ERICH1: variants seen among roughly 807,000 people sequenced by gnomAD.
ERICH1 encodes the protein glutamate rich 1, also known as glutamate-rich protein 1.
Under a neutral mutation model 39.6 loss-of-function variants are expected in ERICH1, and 56 were observed. That is an observed-to-expected ratio of 1.41 (90% CI 1.14 to 1.77). ERICH1 has a LOEUF of 1.77. Among genes scored for constraint, ERICH1 ranks in the 40% most tolerant of loss-of-function variants. The pLI is 0.00. For synonymous variants in ERICH1, 313 were observed against 223.6 expected, an observed-to-expected ratio of 1.40 and a Z score of -3.57; for missense variants, 826 against 575.4, an observed-to-expected ratio of 1.44 and a Z score of -4.45.
rs1292417817 is a variant in ERICH1, at chr8:716,058, A to G, written c.23-51T>C. Reference sequence around the variant, plus strand: ...AAGGAGGAAAAGGAATGAATTATGCAGTTTATCTGAATCACACGTGACTTT... The same window carrying G: ...AAGGAGGAAAAGGAATGAATTATGCGGTTTATCTGAATCACACGTGACTTT... On this transcript the variant is annotated intron_variant, in intron 1 of 5. Coordinates refer to ENST00000262109, the MANE Select transcript of ERICH1 (RefSeq NM_207332.3). 3 of 1,542,634 alleles carry G rather than the reference A, an allele frequency of 1.9e-6. No individual in the cohort carries two copies. The African/African-American group carries it at 4.2e-5, about 21-fold the overall frequency.
intron 1 of ERICH1, among the ~76,000 whole-genome samples, chr8:717,878 G>A (rs1007666197): frequency 2.6e-5 from 4 of 152,216 alleles, no homozygotes; most frequent in African/African-American, 9.6e-5. Flanking sequence ...ACAGTCCCAG[G>A]GACGGGGGCA....
At chr8:643,089 G>A (rs965947634) in intron 3 of ERICH1, among the ~76,000 whole-genome samples, 1 of 152,274 alleles carries the variant, frequency 6.6e-6, no homozygotes, top group South Asian at 2.1e-4. Flanking sequence ...CCAGGACATC[G>A]GGTGCCCTTC....
At chr8:658,545 G>C (rs773613421) in intron 3 of ERICH1, among the ~76,000 whole-genome samples, 15 of 152,144 alleles carry the variant, frequency 9.9e-5, no homozygotes, top group East Asian at 1.9e-4. Context: ...TATTCCTCCT[G>C]TGTCATGGGC....
Position 676,211 on chromosome 8 carries a change from A to G in ERICH1, c.305-2164T>C, listed in dbSNP as rs865853941. Among the ~76,000 whole-genome samples the G allele has an allele frequency of 7.5e-3, 81 of 10,812 alleles. 4 individuals carry two copies. Among genetic ancestry groups the G allele is most frequent in the African/African-American group, 0.014 (46 of 3,272 alleles). The allele number at this position is 10,812 out of a possible 152,430, so 7.1% of individuals were successfully genotyped here. Reference sequence around the variant, plus strand: ...CGGCGGCCCCTCGGCGAGGACAGAGACGCGGCGGCCCCTCGGCGAGGACAG... The same window carrying G: ...CGGCGGCCCCTCGGCGAGGACAGAGGCGCGGCGGCCCCTCGGCGAGGACAG... On this transcript the variant is annotated intron_variant, in intron 3 of 5. Transcript: ENST00000262109.
chr8:660,693 C>T (rs1036725314), downstream of ERICH1, among the ~76,000 whole-genome samples: 4 of 152,210 alleles, frequency 2.6e-5, no homozygotes, highest in African/African-American at 9.6e-5. Context: ...AATTCAGTTT[C>T]CTCCATCCCT....
intron 3 of ERICH1, among the ~76,000 whole-genome samples, chr8:619,037 C>T (rs1797112287): frequency 6.6e-6 from 1 of 152,296 alleles, no homozygotes; most frequent in African/African-American, 2.4e-5. Flanking sequence ...TTAGTAACAA[C>T]AGTGAGAGTC....
intron 3 of ERICH1, among the ~76,000 whole-genome samples, chr8:631,995 A>G (rs922892035): frequency 1.3e-5 from 2 of 152,102 alleles, no homozygotes; most frequent in African/African-American, 4.8e-5. Context: ...CAGACATCCT[A>G]TGCTGCTTAG....
intron 2 of ERICH1, 103 bp downstream of exon 2, chr8:715,758 G>A (rs1455529772): frequency 7.4e-6 from 11 of 1,483,266 alleles, no homozygotes; most frequent in Non-Finnish European, 1.0e-5. Flanking sequence ...CAGACCTGCA[G>A]ACAGATGCCC....
intron 4 of ERICH1, among the ~76,000 whole-genome samples, chr8:672,706 G>A (rs1299848509): frequency 2.6e-5 from 4 of 152,224 alleles, no homozygotes; most frequent in Non-Finnish European, 4.4e-5. Context: ...TAGTGCAGAT[G>A]TAAGCAAGTG....
chr8:628,109 A>G (rs534450720), intron 3 of ERICH1, among the ~76,000 whole-genome samples: 135 of 152,168 alleles, frequency 8.9e-4, no homozygotes, highest in Non-Finnish European at 1.6e-3. Context: ...GAAGGAAAGC[A>G]GGTGCCATGA....
At chr8:711,501 CTTT>C (rs1353584492) in intron 2 of ERICH1, among the ~76,000 whole-genome samples, 3 of 142,162 alleles carry the variant, frequency 2.1e-5, no homozygotes, top group Non-Finnish European at 1.5e-5. Context: ...GGTGTAAGAT[CTTT>C]TTTTTTTTTT....
chr8:640,644 T>TGGGCACGCCAGGTGATGA (rs1225777155), intron 3 of ERICH1: 1 of 152,214 alleles, frequency 6.6e-6, no homozygotes, highest in Non-Finnish European at 1.5e-5. Flanking sequence ...TGCGAGGATC[T>TGGGCACGCCAGGTGATGA]GGGCACGCCA....
At chr8:711,719 G>A (rs959542733) in intron 2 of ERICH1, among the ~76,000 whole-genome samples, 3 of 152,110 alleles carry the variant, frequency 2.0e-5, no homozygotes, top group African/African-American at 4.8e-5. Context: ...GGATGGTGTC[G>A]ATCTCCTGAC....
chr8:615,937 T>A (rs1796877994), intron 3 of ERICH1: 1 of 152,620 alleles, frequency 6.6e-6, no homozygotes, highest in African/African-American at 2.4e-5. Flanking sequence ...GAAATTATCC[T>A]AATTAATTAC....
chr8:708,713 A>G (rs555295004), intron 2 of ERICH1, among the ~76,000 whole-genome samples: 66 of 12,358 alleles, frequency 5.3e-3, no homozygotes, highest in Non-Finnish European at 9.6e-3. Context: ...TTTTTTTTTG[A>G]GACAGGGTCT....
At chr8:697,804 G>A (rs905348951) in intron 2 of ERICH1, among the ~76,000 whole-genome samples, 3 of 152,190 alleles carry the variant, frequency 2.0e-5, no homozygotes, top group Non-Finnish European at 4.4e-5. Context: ...AGCAGCAGCA[G>A]CACGTGGGTC....
At chr8:669,976 C>G (rs189199432) in intron 4 of ERICH1, among the ~76,000 whole-genome samples, 4 of 152,246 alleles carry the variant, frequency 2.6e-5, no homozygotes, top group East Asian at 3.9e-4. Context: ...GTCCTGCCCC[C>G]GCTCCGTCCT....
chr8:622,534 C>G (rs1797349119), intron 3 of ERICH1, among the ~76,000 whole-genome samples: 1 of 152,138 alleles, frequency 6.6e-6, no homozygotes, highest in African/African-American at 2.4e-5. Flanking sequence ...TGTCCAGCCT[C>G]CAGAACTGTG....
chr8:692,730 G>A, intron 2 of ERICH1, 118 bp from the exon 3 acceptor site: 1 of 1,229,766 alleles, frequency 8.1e-7, no homozygotes. Flanking sequence ...AAATCAAAGA[G>A]CTCAATAAAA....
Sources: allele counts gnomAD v4.1 joint callset (sites outside exome capture counted in the v4.1 genomes callset), GRCh38; gene constraint gnomAD v4.1.1; transcripts MANE v1.5; gene names NCBI Gene and HGNC (gene_info 2026-07-23, HGNC 2026-07-21).